Variants in LPP observed in about 807,000 individuals in gnomAD.
The protein encoded by LPP is LIM domain containing preferred translocation partner in lipoma.
In LPP, 38 loss-of-function variants were observed where a neutral mutation model predicts 60.4. The observed-to-expected ratio is 0.63, with a 90% CI of 0.49 to 0.83. LPP has a LOEUF of 0.83. Among genes scored for constraint, LPP ranks in the 40% least tolerant of loss-of-function variants. The pLI, the probability that LPP is intolerant of heterozygous loss-of-function variation, is 0.00. For missense variants in LPP, 902 were observed against 783.6 expected, an observed-to-expected ratio of 1.15 and a Z score of -1.80; for synonymous variants, 328 against 290.8, an observed-to-expected ratio of 1.13 and a Z score of -1.30.
chr3:188,405,968 T>C (rs1783391874), intron 3 of LPP, 144 bp from the exon 4 acceptor site: 1 of 644,328 alleles, frequency 1.6e-6, no homozygotes. Context: ...TTCATTTTTC[T>C]TTCTTCCATT....
chr3:188,868,687 A>C (rs1767297290), intron 10 of LPP, among the ~76,000 whole-genome samples: 1 of 152,238 alleles, frequency 6.6e-6, no homozygotes, highest in African/African-American at 2.4e-5. Context: ...AATCACTGAA[A>C]GACCAAAGAG....
intron 3 of LPP, among the ~76,000 whole-genome samples, chr3:188,391,493 G>A (rs1028753310): frequency 2.6e-5 from 4 of 152,152 alleles, no homozygotes; most frequent in African/African-American, 7.2e-5. Flanking sequence ...GGGAGTTTCA[G>A]TCAGGATTCA....
intron 6 of LPP, among the ~76,000 whole-genome samples, chr3:188,561,758 C>T (rs1830744882): frequency 6.6e-6 from 1 of 151,926 alleles, no homozygotes; most frequent in Non-Finnish European, 1.5e-5. Context: ...ATACTCATTA[C>T]ATATAAGGAT....
In LPP at chr3:188,609,291, A is replaced by G. The variant is rs774881176; in HGVS notation, c.560A>G (p.Gln187Arg). The change falls in exon 7 of 12, where the codon CAG becomes CGG. Residue 187 changes from glutamine to arginine, a missense_variant. Physicochemically the swap from Gln to Arg is conservative, Grantham distance 43. Transcript: ENST00000617246. The surrounding 1 kb of genome is among the most constrained non-coding windows in gnomAD (Gnocchi z 6.9). ...ACATTGAAACCACAGCCTGCACCCC[A>G]GGCTGGACCCATCCCTGTGGCTCCA... is the stretch of plus-strand genomic sequence containing the variant. ...KSTLKPQPAP[Q>R]AGPIPVAPIG... 1 of 1,614,106 alleles carries G rather than the reference A, an allele frequency of 6.2e-7. No individual in the cohort carries two copies. Among genetic ancestry groups the G allele is most frequent in the Non-Finnish European group, 8.5e-7 (1 of 1,180,020 alleles).
chr3:188,602,153 AATATATATATAATATATATATATT>A (rs1207979654), intron 6 of LPP, among the ~76,000 whole-genome samples: 7 of 126,364 alleles, frequency 5.5e-5, no homozygotes, highest in African/African-American at 1.7e-4. Context: ...ATATATATAT[AATATATATATAATATATATATATT>A]ATATATATAT....
chr3:188,492,816 T>C (rs544485531), intron 5 of LPP, among the ~76,000 whole-genome samples: 1 of 152,338 alleles, frequency 6.6e-6, no homozygotes, highest in African/African-American at 2.4e-5. Context: ...CTGCTCCCAA[T>C]AAACACGCCA....
At chr3:188,456,115 C>T (rs1207294322) in intron 4 of LPP, among the ~76,000 whole-genome samples, 1 of 152,136 alleles carries the variant, frequency 6.6e-6, no homozygotes, top group Non-Finnish European at 1.5e-5. Flanking sequence ...TGGCACTGGG[C>T]TCAAATGATT....
chr3:188,400,230 G>T (rs1314642342), intron 3 of LPP, among the ~76,000 whole-genome samples: 3 of 152,190 alleles, frequency 2.0e-5, no homozygotes, highest in Non-Finnish European at 2.9e-5. Flanking sequence ...CCTTTGAATT[G>T]TGGTGTTTTC....
intron 3 of LPP, among the ~76,000 whole-genome samples, chr3:188,384,140 CT>C (rs1403318213): frequency 6.6e-6 from 1 of 152,128 alleles, no homozygotes; most frequent in Non-Finnish European, 1.5e-5. Context: ...CTCCATGTGT[CT>C]TTGACGAAGT....
intron 7 of LPP, chr3:188,688,988 C>A (rs1312186027): frequency 1.3e-5 from 6 of 462,134 alleles, no homozygotes; most frequent in Non-Finnish European, 2.5e-5. Flanking sequence ...ATACTGCCTA[C>A]CTCATCAGGG....
At chr3:188,385,468 G>T (rs1298770590) in intron 3 of LPP, among the ~76,000 whole-genome samples, 1 of 152,098 alleles carries the variant, frequency 6.6e-6, no homozygotes, top group Non-Finnish European at 1.5e-5. Context: ...CCACAAAGCA[G>T]AAAGACTTGC....
At chr3:188,424,194 A>G (rs1028720617) in intron 4 of LPP, among the ~76,000 whole-genome samples, 1 of 152,204 alleles carries the variant, frequency 6.6e-6, no homozygotes, top group African/African-American at 2.4e-5. Flanking sequence ...TTTTCCAAAC[A>G]GCATTTATTA....
chr3:188,407,384 G>A (rs909613510), intron 4 of LPP, among the ~76,000 whole-genome samples: 1 of 152,208 alleles, frequency 6.6e-6, no homozygotes, highest in Non-Finnish European at 1.5e-5. Flanking sequence ...GATGCCAGAA[G>A]CCTAGTTCAG....
chr3:188,192,556 C>T lies in LPP; in HGVS notation c.-189-32849C>T, dbSNP rs756518263. Reference sequence around the variant, plus strand: ...TTAGCAAACATTGTTTCTAATCTGACAGTAACTCCATGAAGTAGGAATTTT... The same window carrying T: ...TTAGCAAACATTGTTTCTAATCTGATAGTAACTCCATGAAGTAGGAATTTT... On this transcript the variant is annotated intron_variant, in intron 1 of 11. Transcript: ENST00000617246. Among the ~76,000 whole-genome samples, 14 of 152,296 alleles carry T rather than the reference C, an allele frequency of 9.2e-5. No individual in the cohort carries two copies. The South Asian group carries it at 2.5e-3, about 27-fold the overall frequency.
At chr3:188,848,938 T>A (rs1253677279) in intron 9 of LPP, among the ~76,000 whole-genome samples, 1 of 150,772 alleles carries the variant, frequency 6.6e-6, no homozygotes, top group Non-Finnish European at 1.5e-5. Flanking sequence ...TGCACTCCAG[T>A]CTGATGACAG....
chr3:188,290,276 C>G (rs1408850196), intron 2 of LPP, among the ~76,000 whole-genome samples: 3 of 152,014 alleles, frequency 2.0e-5, no homozygotes, highest in Admixed American at 1.3e-4. Context: ...ATGCCCGGTT[C>G]AACATGCAGT....
chr3:188,493,167 A>C (rs930553203), intron 5 of LPP, among the ~76,000 whole-genome samples: 18 of 152,134 alleles, frequency 1.2e-4, no homozygotes, highest in Non-Finnish European at 2.6e-4. Flanking sequence ...TATTGCCTTC[A>C]TATTTGAGTA....
intron 9 of LPP, among the ~76,000 whole-genome samples, chr3:188,787,038 C>G (rs1742147639): frequency 6.6e-6 from 1 of 152,102 alleles, no homozygotes; most frequent in Non-Finnish European, 1.5e-5. Context: ...GCCATGGTGG[C>G]AGATACATTA....
chr3:188,561,675 TA>T (rs1360529737), intron 6 of LPP, among the ~76,000 whole-genome samples: 1 of 152,066 alleles, frequency 6.6e-6, no homozygotes, highest in Non-Finnish European at 1.5e-5. Context: ...CCCTATTTGG[TA>T]AATTGTCTAG....
Sources: allele counts gnomAD v4.1 joint callset (sites outside exome capture counted in the v4.1 genomes callset), GRCh38; gene constraint gnomAD v4.1.1; non-coding constraint Gnocchi (gnomAD v3.1); transcripts MANE v1.5; gene names NCBI Gene and HGNC (gene_info 2026-07-23, HGNC 2026-07-21).